Variants in SHROOM2 observed in about 807,000 individuals in gnomAD.
The protein encoded by SHROOM2 is protein Shroom2.
In SHROOM2, 33 loss-of-function variants were observed where a neutral mutation model predicts 75.9. The ratio of observed to expected loss-of-function variants is 0.43; its 90% confidence interval spans 0.33 to 0.58. The LOEUF (loss-of-function observed/expected upper bound fraction) is 0.58. SHROOM2 is among the 20% of genes least tolerant of loss of function. The probability of loss-of-function intolerance (pLI) is 0.04; values close to 1 mark genes in which losing one functional copy is unlikely to be tolerated. For missense variants in SHROOM2, 1,434 were observed against 1,461.2 expected (o/e 0.98, Z 0.30); for synonymous variants, 655 against 663.6 (o/e 0.99, Z 0.20).
intron 1 of SHROOM2, among the ~76,000 whole-genome samples, chrX:9,796,675 C>T (rs926315244): frequency 4.5e-5 from 5 of 109,991 alleles, no homozygotes; most frequent in Admixed American, 9.8e-5. Context: ...TATGGGGTCT[C>T]GTTCTGTCAT....
Position 9,902,490 on chromosome X carries a change from T to A in SHROOM2, c.2891+4200T>A, listed in dbSNP as rs181125243. ...GTTAGTCTTTCTTGATTGTGGTGAA[T>A]AATCTTTCCATATTGGTACATTGTG... is the stretch of plus-strand genomic sequence containing the variant. On this transcript the variant is annotated intron_variant, in intron 5 of 9. Coordinates refer to ENST00000380913, the MANE Select transcript of SHROOM2 (RefSeq NM_001649.4). Among the ~76,000 whole-genome samples, 487 of 112,321 alleles carry A rather than the reference T, an allele frequency of 4.3e-3. 9 individuals are homozygous for A. Among genetic ancestry groups the A allele is most frequent in the African/African-American group, 0.015 (453 of 30,899 alleles).
intron 1 of SHROOM2, among the ~76,000 whole-genome samples, chrX:9,872,712 G>A (rs2084177880): frequency 8.9e-6 from 1 of 111,848 alleles, no homozygotes; most frequent in South Asian, 3.7e-4. Context: ...ATCGGATTAG[G>A]GCTATGACAA....
Position 9,895,088 on chromosome X carries a change from G to C in SHROOM2, c.1180G>C (p.Asp394His). 1 of 1,209,570 alleles carries C rather than the reference G, an allele frequency of 8.3e-7. No homozygotes were observed. Among genetic ancestry groups the C allele is most frequent in the Non-Finnish European group, 1.1e-6 (1 of 894,574 alleles). ...GGGCTGCCCACAGGAGGCCCACGCA[G>C]ACGGCAGCTGGCCGCCCTCCAAGGA... ...GPGCPQEAHA[D>H]GSWPPSKDGA... The change falls in exon 4 of 10, where the codon GAC becomes CAC. Residue 394 changes from aspartate to histidine, a missense_variant. Coordinates refer to ENST00000380913, the MANE Select transcript of SHROOM2 (RefSeq NM_001649.4).
In SHROOM2 at chrX:9,818,472, C is replaced by T. The variant is rs2083834700; in HGVS notation, c.165+31762C>T. The T allele has an allele frequency of 1.3e-5, 3 of 238,526 alleles. No individual in the cohort carries two copies. In the South Asian group the frequency reaches 1.7e-4, roughly 13 times the overall value. 19.7% of individuals were successfully genotyped at this position (238,526 alleles called of 1,213,427 possible). Reference sequence around the variant, plus strand: ...AGGCCTTTTTCCGACCAGCTGATGACGACCTCTTCTTCTAAAAAATCTACA... The same window carrying T: ...AGGCCTTTTTCCGACCAGCTGATGATGACCTCTTCTTCTAAAAAATCTACA... On this transcript the variant is annotated intron_variant, in intron 1 of 9. Coordinates refer to ENST00000380913, the MANE Select transcript of SHROOM2 (RefSeq NM_001649.4).
Position 9,894,436 on chromosome X carries a change from G to T in SHROOM2, c.528G>T (p.Gly176=). ...QRTLDHFSSL[G]SVDSLDHPSS... is the part of the protein sequence containing the mutation. ...CCTTAGATCACTTCAGCTCCTTGGG[G>T]AGCGTTGACAGCCTGGACCACCCCT... The change falls in exon 4 of 10, where the codon GGG becomes GGT. Residue 176 remains glycine (G), a synonymous_variant. Coordinates refer to ENST00000380913, the MANE Select transcript of SHROOM2 (RefSeq NM_001649.4). 8.3e-7 allele frequency: 1 copy of T among 1,210,482 alleles called. No individual in the cohort carries two copies. Among genetic ancestry groups the T allele is most frequent in the Non-Finnish European group, 1.1e-6 (1 of 895,248 alleles).
Position 9,823,762 on chromosome X carries a change from TC to T in SHROOM2, c.165+37053del, listed in dbSNP as rs1387346624. Among the ~76,000 whole-genome samples, 236 of 95,925 alleles carry T rather than the reference TC, an allele frequency of 2.5e-3. 14 individuals are homozygous for T. The highest frequency in any genetic ancestry group is 8.2e-3 in the African/African-American group (222 of 26,994). The allele number at this position is 95,925 out of a possible 115,157, so 83.3% of individuals were successfully genotyped here. On this transcript the variant is annotated intron_variant, in intron 1 of 9. Transcript: ENST00000380913. Reference sequence around the variant, plus strand: ...TTTTTCTTTTTTCTTTTTTCTTTTTTCTTTTTTTTTTTTTGAGACAGGGTCT... The same window carrying T: ...TTTTTCTTTTTTCTTTTTTCTTTTTTTTTTTTTTTTTTTGAGACAGGGTCT...
intron 1 of SHROOM2, chrX:9,818,321 A>T (rs965753027): frequency 4.2e-6 from 1 of 235,599 alleles, no homozygotes; most frequent in Non-Finnish European, 8.5e-6. Context: ...CTTCTAATAC[A>T]CCACCTCAAT....
At chrX:9,822,600 C>G (rs2146750355) in intron 1 of SHROOM2, among the ~76,000 whole-genome samples, 1 of 112,801 alleles carries the variant, frequency 8.9e-6, no homozygotes, top group South Asian at 3.6e-4. Context: ...GCTTGCCTCT[C>G]CCTCCCTCCA....
rs1478023955 is a variant in SHROOM2 at position 9,896,157 on chromosome X, G to T, written c.2249G>T (p.Gly750Val). The change falls in exon 4 of 10, where the codon GGC becomes GTC. Residue 750 changes from glycine (G) to valine (V), a missense_variant. By Grantham distance (109) the Gly-to-Val change is moderately radical (BLOSUM62 -3). Transcript: ENST00000380913. ...SGGPHPPRIG[G>V]RRRFTAEQKL... ...GGGCCCCACCCGCCCCGCATCGGAG[G>T]CCGGAGACGGTTCACAGCTGAGCAG... 8.3e-7 allele frequency: 1 copy of T among 1,208,991 alleles called. No homozygotes were observed. The highest frequency in any genetic ancestry group is 1.8e-5 in the South Asian group (1 of 56,569).
At chrX:9,884,677 T>TA (rs34693829) in intron 2 of SHROOM2, among the ~76,000 whole-genome samples, 66 of 86,512 alleles carry the variant, frequency 7.6e-4, no homozygotes, top group African/African-American at 1.8e-3. Flanking sequence ...CCCTGTCCTT[T>TA]AAAAAAAAAA....
chrX:9,929,041 C>A (rs898531912), intron 5 of SHROOM2, among the ~76,000 whole-genome samples: 1 of 112,610 alleles, frequency 8.9e-6, no homozygotes, highest in Admixed American at 9.4e-5. Flanking sequence ...TAGACATGCA[C>A]GTAACACATA....
intron 2 of SHROOM2, among the ~76,000 whole-genome samples, chrX:9,882,788 C>T (rs895567359): frequency 2.7e-5 from 3 of 112,148 alleles, no homozygotes; most frequent in Non-Finnish European, 5.6e-5. Context: ...CTGCTGGGCC[C>T]TGGCGTTTGC....
chrX:9,932,583 G>T lies in SHROOM2; in HGVS notation c.3300G>T (p.Ala1100=). ...GGCCCTTCCCAACGCCATCCCCTGCGTCCCTGGATGTGTATGTGGCCCGCC... is the reference window on the plus strand; with the variant it reads ...GGCCCTTCCCAACGCCATCCCCTGCTTCCCTGGATGTGTATGTGGCCCGCC... ...LGRPFPTPSP[A]SLDVYVARLS... is the part of the protein sequence containing the mutation. The change falls in exon 6 of 10, where the codon GCG becomes GCT. Residue 1100 remains alanine, a synonymous_variant. Coordinates refer to ENST00000380913, the MANE Select transcript of SHROOM2 (RefSeq NM_001649.4). The T allele has an allele frequency of 3.3e-6, 4 of 1,211,430 alleles. No homozygotes were observed. The highest frequency in any genetic ancestry group is 1.8e-5 in the South Asian group (1 of 56,975).
At chrX:9,871,463 C>T (rs1197927928) in intron 1 of SHROOM2, among the ~76,000 whole-genome samples, 1 of 111,527 alleles carries the variant, frequency 9.0e-6, no homozygotes, top group East Asian at 2.8e-4. Context: ...ATGTCGAAAC[C>T]CAGTCTCCCC....
chrX:9,916,660 A>G (rs1183769573), intron 5 of SHROOM2, among the ~76,000 whole-genome samples: 4 of 112,352 alleles, frequency 3.6e-5, no homozygotes, highest in Non-Finnish European at 7.5e-5. Context: ...AAGTTATTTC[A>G]TTTTTAACTT....
intron 2 of SHROOM2, among the ~76,000 whole-genome samples, chrX:9,878,787 A>G (rs1192641651): frequency 1.0e-5 from 1 of 97,496 alleles, no homozygotes; most frequent in Non-Finnish European, 2.0e-5. Context: ...GAAATGGTGC[A>G]TGGTCAGATG....
At chrX:9,927,870 GC>G (rs1471896404) in intron 5 of SHROOM2, among the ~76,000 whole-genome samples, 1 of 111,145 alleles carries the variant, frequency 9.0e-6, no homozygotes, top group Non-Finnish European at 1.9e-5. Context: ...TGATGTCAGG[GC>G]AGGACTGGGG....
At position 9,828,076 on chromosome X, in the gene SHROOM2, G is replaced by T. The variant is rs140871621; in HGVS notation, c.165+41366G>T. Among the ~76,000 whole-genome samples, 649 of 112,666 alleles carry T rather than the reference G, an allele frequency of 5.8e-3. 3 individuals carry two copies. The highest frequency in any genetic ancestry group is 0.019 in the African/African-American group (583 of 31,029). ...CTTAATTGACTCACAGTTTCACTTG[G>T]CCGGGAAGGCCTCAGGAAACTTACG... On this transcript the variant is annotated intron_variant, in intron 1 of 9. Coordinates refer to ENST00000380913, the MANE Select transcript of SHROOM2 (RefSeq NM_001649.4).
intron 1 of SHROOM2, among the ~76,000 whole-genome samples, chrX:9,799,979 T>C (rs1384284230): frequency 2.7e-5 from 3 of 111,664 alleles, no homozygotes; most frequent in East Asian, 5.6e-4. Context: ...GAATTTCTAA[T>C]CTTGATCATC....
Sources: allele counts gnomAD v4.1 joint callset (sites outside exome capture counted in the v4.1 genomes callset), GRCh38; gene constraint gnomAD v4.1.1; transcripts MANE v1.5; gene names NCBI Gene and HGNC (gene_info 2026-07-23, HGNC 2026-07-21).